TMEM132C: variants seen among roughly 807,000 people sequenced by gnomAD.
The protein encoded by TMEM132C is transmembrane protein 132C, also known as protein phosphatase 1, regulatory subunit 152.
Under a neutral mutation model 61.4 loss-of-function variants are expected in TMEM132C, and 29 were observed. That is an observed-to-expected ratio of 0.47 (90% CI 0.35 to 0.64). TMEM132C has a LOEUF of 0.64. Among genes scored for constraint, TMEM132C ranks in the 30% least tolerant of loss-of-function variants. The probability of loss-of-function intolerance (pLI) is 0.00; values close to 1 mark genes in which losing one functional copy is unlikely to be tolerated. For missense variants in TMEM132C, 1,408 were observed against 1,476.9 expected, an observed-to-expected ratio of 0.95 and a Z score of 0.76; for synonymous variants, 656 against 633.1, an observed-to-expected ratio of 1.04 and a Z score of -0.54.
chr12:128,675,883 A>G (rs1045852936), intron 5 of TMEM132C, among the ~76,000 whole-genome samples: 4 of 86,672 alleles, frequency 4.6e-5, no homozygotes, highest in African/African-American at 3.6e-4. Context: ...ATAGATAGAT[A>G]AATAGATAGA....
At position 128,687,201 on chromosome 12, in the gene TMEM132C, CA is replaced by C. The variant is rs55934804; in HGVS notation, c.1450-6611del. On this transcript the variant is annotated intron_variant, in intron 5 of 8. Transcript: ENST00000435159. ...TGGGTGACAGAGCAAGACTCTGTCT[CA>C]AAAAAAAAAAAAAAAAGAGGAAATG... is the stretch of plus-strand genomic sequence containing the variant. Among the ~76,000 whole-genome samples the C allele has an allele frequency of 2.9e-3, 328 of 114,450 alleles. 3 individuals carry two copies. Among genetic ancestry groups the C allele is most frequent in the African/African-American group, 0.01 (301 of 28,898 alleles). The allele number at this position is 114,450 out of a possible 152,430, so 75.1% of individuals were successfully genotyped here.
intron 4 of TMEM132C, among the ~76,000 whole-genome samples, chr12:128,620,546 A>G (rs978742881): frequency 7.9e-5 from 12 of 152,192 alleles, no homozygotes; most frequent in Non-Finnish European, 1.5e-4. Context: ...AATTAAAACA[A>G]AACAAAAAAC....
intron 5 of TMEM132C, among the ~76,000 whole-genome samples, chr12:128,676,465 C>T (rs1954587935): frequency 6.6e-6 from 1 of 152,048 alleles, no homozygotes; most frequent in Admixed American, 6.6e-5. Flanking sequence ...TAAAATTTGT[C>T]TACAATAATA....
chr12:128,669,583 G>A, intron 5 of TMEM132C, 23 bp downstream of exon 5: 1 of 1,549,476 alleles, frequency 6.5e-7, no homozygotes. Context: ...ACAGCCAGCT[G>A]GATGGAACCG....
intron 1 of TMEM132C, among the ~76,000 whole-genome samples, chr12:128,319,094 T>C (rs1250129616): frequency 1.3e-5 from 2 of 152,204 alleles, no homozygotes; most frequent in African/African-American, 2.4e-5. Context: ...AAATACAATG[T>C]TGGCCATAAG....
chr12:128,393,532 T>A (rs1874838829), intron 1 of TMEM132C, among the ~76,000 whole-genome samples: 1 of 152,186 alleles, frequency 6.6e-6, no homozygotes, highest in South Asian at 2.1e-4. Flanking sequence ...ATATTCCAAT[T>A]TCAGTGTTTG....
chr12:128,629,338 G>A (rs1333303915), intron 4 of TMEM132C, among the ~76,000 whole-genome samples: 1 of 152,060 alleles, frequency 6.6e-6, no homozygotes, highest in Non-Finnish European at 1.5e-5. Context: ...AATATAGTGA[G>A]ACCTTGTCTC....
chr12:128,620,890 G>A (rs376002752), intron 4 of TMEM132C, among the ~76,000 whole-genome samples: 2 of 151,994 alleles, frequency 1.3e-5, no homozygotes, highest in South Asian at 4.2e-4. Context: ...CAATCAGTAG[G>A]GTTGTTTAAA....
At chr12:128,550,364 G>A (rs904479677) in intron 3 of TMEM132C, among the ~76,000 whole-genome samples, 1 of 151,584 alleles carries the variant, frequency 6.6e-6, no homozygotes, top group Non-Finnish European at 1.5e-5. Flanking sequence ...GTGCAGTGGT[G>A]TAAACAGGAC....
At chr12:128,632,759 A>G (rs1954073806) in intron 4 of TMEM132C, among the ~76,000 whole-genome samples, 1 of 152,178 alleles carries the variant, frequency 6.6e-6, no homozygotes, top group Non-Finnish European at 1.5e-5. Context: ...TGCGTTTTCC[A>G]TTCATTTTTC....
chr12:128,685,317 G>A (rs1243394129), intron 5 of TMEM132C, among the ~76,000 whole-genome samples: 8 of 152,222 alleles, frequency 5.3e-5, no homozygotes, highest in Non-Finnish European at 1.2e-4. Flanking sequence ...GACAACTCCA[G>A]CGTTTGGTTG....
At chr12:128,450,555 C>T (rs983741505) in intron 2 of TMEM132C, among the ~76,000 whole-genome samples, 18 of 152,080 alleles carry the variant, frequency 1.2e-4, no homozygotes, top group Non-Finnish European at 2.1e-4. Context: ...TGGTAAGATA[C>T]CAAATTTTAG....
rs74537852 is a variant in TMEM132C, at chr12:128,365,235, C to T, written c.86-49497C>T. On this transcript the variant is annotated intron_variant, in intron 1 of 8. Transcript: ENST00000435159. ...AAGCCAAGTTGTTTGGTTCCCTTTGCCCCGACTGCAAAATGGAACGGTCCA... is the reference window on the plus strand; with the variant it reads ...AAGCCAAGTTGTTTGGTTCCCTTTGTCCCGACTGCAAAATGGAACGGTCCA... Among the ~76,000 whole-genome samples, 1,088 of 152,188 alleles carry T rather than the reference C, an allele frequency of 7.1e-3. 18 individuals carry two copies. Among genetic ancestry groups the T allele is most frequent in the African/African-American group, 0.025 (1,044 of 41,514 alleles).
intron 2 of TMEM132C, among the ~76,000 whole-genome samples, chr12:128,433,546 C>G (rs1869469964): frequency 1.3e-5 from 2 of 152,140 alleles, no homozygotes; most frequent in Non-Finnish European, 2.9e-5. Context: ...ATTTGGGAAA[C>G]TGTCATCAGG....
intron 1 of TMEM132C, among the ~76,000 whole-genome samples, chr12:128,335,528 A>T (rs1291285985): frequency 2.6e-5 from 4 of 152,224 alleles, no homozygotes; most frequent in African/African-American, 9.6e-5. Flanking sequence ...GCATTTGTTA[A>T]AATGCTTGCT....
rs1216691749 is a variant in TMEM132C at position 128,544,090 on chromosome 12, A to G, written c.1108A>G (p.Ser370Gly). Residue 370 changes from serine to glycine, a missense_variant, in exon 3 of 9, where the codon AGC (serine) becomes GGC (glycine). Physicochemically the swap from Ser to Gly is moderately conservative, Grantham distance 56 (BLOSUM62 0). Transcript: ENST00000435159. ...ATVACQRLGP[S>G]PRNRSSSLFN... Reference sequence around the variant, plus strand: ...CGTGGCCTGCCAGCGCCTGGGGCCCAGCCCACGCAACAGGTAAGCGGTGCC... The same window carrying G: ...CGTGGCCTGCCAGCGCCTGGGGCCCGGCCCACGCAACAGGTAAGCGGTGCC... The G allele has an allele frequency of 6.5e-7, 1 of 1,538,214 alleles. No homozygotes were observed. Among genetic ancestry groups the G allele is most frequent in the South Asian group, 1.2e-5 (1 of 82,026 alleles).
chr12:128,706,375 GT>G lies in TMEM132C; in HGVS notation c.*81del. On this transcript the variant is annotated 3_prime_UTR_variant, in exon 9 of 9. Transcript: ENST00000435159. The stretch of plus-strand genomic sequence containing the variant: ...CCAAGTGGGGCAGAAGGCGTTGTCA[GT>G]GGGGTTAAGAAGGGACGGTCCCAGG... The G allele has an allele frequency of 2.8e-6, 4 of 1,437,970 alleles. No individual in the cohort carries two copies. The highest frequency in any genetic ancestry group is 2.3e-4 in the Middle Eastern group (1 of 4,404). 89.1% of individuals were successfully genotyped at this position (1,437,970 alleles called of 1,614,324 possible).
intron 2 of TMEM132C, among the ~76,000 whole-genome samples, chr12:128,438,539 C>G (rs1010812952): frequency 5.9e-5 from 9 of 152,316 alleles, no homozygotes; most frequent in Middle Eastern, 3.4e-3. Flanking sequence ...TCTTTATAAA[C>G]TACCCAGTCT....
intron 1 of TMEM132C, among the ~76,000 whole-genome samples, chr12:128,291,926 C>T (rs540284143): frequency 3.3e-5 from 5 of 152,186 alleles, no homozygotes; most frequent in Non-Finnish European, 5.9e-5. Context: ...CCCGGCTGAC[C>T]GGAGGCAGCT....
Sources: gnomAD v4.1 joint callset for allele counts (sites outside exome capture counted in the v4.1 genomes callset) on GRCh38, gnomAD v4.1.1 for gene constraint, MANE v1.5 for transcripts, NCBI Gene and HGNC (gene_info 2026-07-23, HGNC 2026-07-21) for gene names.